Variants in SEPTIN7 observed in about 807,000 individuals in gnomAD.
SEPTIN7 encodes the protein septin 7.
SEPTIN7 carries 10 observed loss-of-function variants against 63.3 expected under a neutral mutation model. The ratio of observed to expected loss-of-function variants is 0.16; its 90% CI spans 0.10 to 0.27. SEPTIN7 has a LOEUF of 0.27. SEPTIN7 is among the 10% of genes least tolerant of loss of function. The pLI is 1.00. For synonymous variants in SEPTIN7, 131 were observed against 165.3 expected (o/e 0.79, Z 1.59); for missense variants, 310 against 521.0 (o/e 0.59, Z 3.94).
chr7:35,900,037 A>G (rs1381207635), intron 12 of SEPTIN7: 1 of 152,240 alleles, frequency 6.6e-6, no homozygotes, highest in Non-Finnish European at 1.5e-5. Context: ...CTCTCGTTAT[A>G]TTCTTACAGT....
chr7:35,837,944 G>A (rs1227372507), intron 3 of SEPTIN7, among the ~76,000 whole-genome samples: 6 of 152,120 alleles, frequency 3.9e-5, no homozygotes, highest in South Asian at 2.1e-4. Flanking sequence ...GGCTGGTCTT[G>A]AACACCTATA....
At chr7:35,880,223 C>CTTTTTTTTTTTTTTCTTTTT (rs1786770097) in intron 7 of SEPTIN7, among the ~76,000 whole-genome samples, 2 of 72,772 alleles carry the variant, frequency 2.7e-5, no homozygotes, top group Non-Finnish European at 2.6e-5. Context: ...TTTTTCTTTT[C>CTTTTTTTTTTTTTTCTTTTT]TTTTTTTTTT....
intron 7 of SEPTIN7, among the ~76,000 whole-genome samples, 187 bp from the exon 8 acceptor site, chr7:35,882,297 A>C (rs1479536245): frequency 1.4e-5 from 2 of 145,964 alleles, no homozygotes; most frequent in East Asian, 4.0e-4. Flanking sequence ...TATCAACTTC[A>C]TAGTTAAAAA....
intron 1 of SEPTIN7, chr7:35,815,089 A>C (rs1788969103): frequency 2.6e-6 from 1 of 388,864 alleles, no homozygotes; most frequent in Non-Finnish European, 5.0e-6. Flanking sequence ...TTGTCCATTG[A>C]TAGACCTTTC....
intron 1 of SEPTIN7, among the ~76,000 whole-genome samples, chr7:35,803,495 T>C (rs940350641): frequency 1.3e-5 from 2 of 152,176 alleles, no homozygotes; most frequent in Admixed American, 1.3e-4. Context: ...ATAAGGATAG[T>C]GGTAGAGCAG....
At chr7:35,869,870 A>C (rs1226179950) in intron 4 of SEPTIN7, among the ~76,000 whole-genome samples, 1 of 152,130 alleles carries the variant, frequency 6.6e-6, no homozygotes, top group East Asian at 1.9e-4. Context: ...CCCTTGATTC[A>C]TTCTTTTGGT....
the SEPTIN7 span, among the ~76,000 whole-genome samples, chr7:35,914,670 TATAC>T: frequency 0.045 from 6,769 of 150,448 alleles, 180 homozygotes; most frequent in East Asian, 0.067. Flanking sequence ...TATATATATA[TATAC>T]ACACACACAC....
rs1293239328 is a variant in SEPTIN7 at position 35,863,486 on chromosome 7, C to T, written c.170-66C>T. The stretch of plus-strand genomic sequence containing the variant: ...CATAAGGCAAGTTTGATTATAGCAT[C>T]TGTTGAATATTTAAGATTGCGTAAA... On this transcript the variant is annotated intron_variant, in intron 3 of 13. Transcript: ENST00000350320. The T allele has an allele frequency of 3.3e-6, 3 of 897,100 alleles. No individual in the cohort carries two copies. In the East Asian group the frequency reaches 7.6e-5, roughly 23 times the overall value. The allele number at this position is 897,100 out of a possible 1,614,324, so 55.6% of individuals were successfully genotyped here.
Position 35,905,607 on chromosome 7 carries a change from C to T in SEPTIN7, c.*1314C>T, listed in dbSNP as rs1164819594. 1 of 152,194 alleles carries T rather than the reference C, an allele frequency of 6.6e-6. No homozygotes were observed. Among genetic ancestry groups the T allele is most frequent in the East Asian group, 1.9e-4 (1 of 5,196 alleles). 9.4% of individuals were successfully genotyped at this position (152,194 alleles called of 1,614,324 possible). On this transcript the variant is annotated 3_prime_UTR_variant, in exon 14 of 14. Coordinates refer to ENST00000350320, the MANE Select transcript of SEPTIN7 (RefSeq NM_001788.6). ...AAACACGACTTGACTGCAGCCTCAACCCTCTGGGCTCAAGCAGTCCTCCTG... is the reference window on the plus strand; with the variant it reads ...AAACACGACTTGACTGCAGCCTCAATCCTCTGGGCTCAAGCAGTCCTCCTG...
At chr7:35,909,430 A>T (rs1170253651), downstream of SEPTIN7, among the ~76,000 whole-genome samples, 1 of 152,232 alleles carries the variant, frequency 6.6e-6, no homozygotes, top group Non-Finnish European at 1.5e-5. Flanking sequence ...GTCTCCATTC[A>T]GGTATGATTG....
chr7:35,842,917 C>G (rs1317592132), intron 3 of SEPTIN7, among the ~76,000 whole-genome samples: 3 of 152,000 alleles, frequency 2.0e-5, no homozygotes, highest in Admixed American at 1.3e-4. Flanking sequence ...TATACACACA[C>G]AGACACACAC....
At chr7:35,801,592 C>T (rs992519661) in intron 1 of SEPTIN7, among the ~76,000 whole-genome samples, 3 of 152,096 alleles carry the variant, frequency 2.0e-5, no homozygotes, top group Non-Finnish European at 4.4e-5. Flanking sequence ...TCAGCCCTGC[C>T]CTTGCTTCTC....
At chr7:35,886,605 G>A (rs1470260790) in intron 10 of SEPTIN7, among the ~76,000 whole-genome samples, 3 of 152,166 alleles carry the variant, frequency 2.0e-5, no homozygotes, top group South Asian at 2.1e-4. Flanking sequence ...ACCTGACTCC[G>A]CATTTCCCAC....
chr7:35,914,112 A>G, the SEPTIN7 span, among the ~76,000 whole-genome samples: 3 of 152,244 alleles, frequency 2.0e-5, no homozygotes, highest in South Asian at 4.1e-4. Context: ...TTGAGAAAGA[A>G]TGAGGTATTC....
intron 6 of SEPTIN7, among the ~76,000 whole-genome samples, chr7:35,875,319 A>G (rs375378268): frequency 4.6e-5 from 7 of 152,128 alleles, no homozygotes; most frequent in East Asian, 3.8e-4. Flanking sequence ...GAAATGGAGC[A>G]AAGTTTTGCC....
At chr7:35,836,832 G>A (rs916956635) in intron 3 of SEPTIN7, among the ~76,000 whole-genome samples, 2 of 152,064 alleles carry the variant, frequency 1.3e-5, no homozygotes, top group African/African-American at 2.4e-5. Context: ...TGAGCATTTT[G>A]TGGTATTTTT....
At chr7:35,890,624 C>CTAG in intron 10 of SEPTIN7, 44 bp from the exon 11 acceptor site, 1 of 1,374,118 alleles carries the variant, frequency 7.3e-7, no homozygotes, top group Non-Finnish European at 9.4e-7. Flanking sequence ...TTTTTTCCCC[C>CTAG]TAGCTATTAA....
intron 4 of SEPTIN7, among the ~76,000 whole-genome samples, chr7:35,869,768 A>G (rs897839380): frequency 2.0e-5 from 3 of 152,198 alleles, no homozygotes; most frequent in Non-Finnish European, 4.4e-5. Context: ...CTCAGATGCC[A>G]AAAGAGGTCT....
intron 3 of SEPTIN7, among the ~76,000 whole-genome samples, chr7:35,853,162 G>A (rs1230006294): frequency 6.6e-6 from 1 of 152,062 alleles, no homozygotes; most frequent in East Asian, 1.9e-4. Context: ...AGTGGCCCTG[G>A]TGCTCAAGCA....
Sources: allele counts gnomAD v4.1 joint callset (sites outside exome capture counted in the v4.1 genomes callset), GRCh38; gene constraint gnomAD v4.1.1; transcripts MANE v1.5; gene names NCBI Gene and HGNC (gene_info 2026-07-23, HGNC 2026-07-21).